Variants in COPB1 observed in about 807,000 individuals in gnomAD.
COPB1 encodes coat protein complex I subunit beta 1.
In COPB1, 21 loss-of-function variants were observed where a neutral mutation model predicts 108.7. The observed-to-expected ratio is 0.19, with a 90% confidence interval of 0.14 to 0.28. The LOEUF (loss-of-function observed/expected upper bound fraction) is 0.28, where lower values mean the gene tolerates loss of function less well. Among genes scored for constraint, COPB1 ranks in the 10% least tolerant of loss-of-function variants. The probability of loss-of-function intolerance (pLI) is 1.00; values close to 1 mark genes in which losing one functional copy is unlikely to be tolerated. For missense variants in COPB1, 919 were observed against 1,141.3 expected (o/e 0.81, Z 2.81); for synonymous variants, 378 against 386.8 (o/e 0.98, Z 0.27).
chr11:14,493,543 T>C (rs778371665), intron 4 of COPB1, 99 bp downstream of exon 4: 1 of 985,402 alleles, frequency 1.0e-6, no homozygotes, highest in South Asian at 2.4e-5. Flanking sequence ...AAATATATCT[T>C]CAAGCTATAT....
Position 14,468,684 on chromosome 11 carries a change from G to T in COPB1, c.2142C>A (p.Asn714Lys). The change falls in exon 16 of 22, where the codon AAC becomes AAA. Residue 714 changes from asparagine (N) to lysine (K), a missense_variant. This residue lies in a region of COPB1 where 705 missense variants were observed against 817.8 expected (regional missense o/e 0.86). Transcript: ENST00000439561. ...AGTCTATCAGACATTTTGTTACCTT[G>T]TTAAGTTTAGATGCTAGGGGATCTG... ...EAADPLASKL[N>K]KVTQLTGFSD... is the part of the protein sequence containing the mutation. The T allele has an allele frequency of 6.2e-7, 1 of 1,613,566 alleles. No individual in the cohort carries two copies. The highest frequency in any genetic ancestry group is 8.5e-7 in the Non-Finnish European group (1 of 1,179,738).
chr11:14,465,125 T>G (rs1216411304), intron 17 of COPB1, 95 bp from the exon 18 acceptor site: 1 of 1,405,622 alleles, frequency 7.1e-7, no homozygotes, highest in Non-Finnish European at 9.4e-7. Context: ...CATAAAACCT[T>G]AAATGTATGC....
intron 17 of COPB1, among the ~76,000 whole-genome samples, chr11:14,465,383 A>C (rs1281083577): frequency 6.6e-6 from 1 of 152,130 alleles, no homozygotes; most frequent in African/African-American, 2.4e-5. Flanking sequence ...CCTAGGCTGG[A>C]GTGCAACTGC....
intron 5 of COPB1, among the ~76,000 whole-genome samples, chr11:14,490,232 T>C (rs149480240): frequency 5.9e-5 from 9 of 152,306 alleles, no homozygotes; most frequent in African/African-American, 2.2e-4. Flanking sequence ...GATGTATCTA[T>C]GCAAAGCTAC....
At chr11:14,484,964 T>C (rs544487413) in intron 7 of COPB1, among the ~76,000 whole-genome samples, 17 of 152,232 alleles carry the variant, frequency 1.1e-4, no homozygotes, top group Non-Finnish European at 2.1e-4. Context: ...TACTCTATTA[T>C]TGAAAACACT....
Position 14,477,024 on chromosome 11 carries a change from A to G in COPB1, c.1359-9T>C, listed in dbSNP as rs1047603552. ...ATGCTCCTCGGTAAATCCTAGCACA[A>G]TACAAGATCTGAAACATGAACTTGG... On this transcript the variant is annotated splice_polypyrimidine_tract_variant and intron_variant, in intron 11 of 21. Transcript: ENST00000439561. The G allele has an allele frequency of 5.9e-6, 9 of 1,536,210 alleles. 1 individual carries two copies. In the South Asian group the frequency reaches 9.0e-5, roughly 15 times the overall value.
rs1314978359 is a variant in COPB1, at chr11:14,466,262, T to A, written c.2290+20A>T. 26 of 1,611,218 alleles carry A rather than the reference T, an allele frequency of 1.6e-5. No individual in the cohort carries two copies. The highest frequency in any genetic ancestry group is 2.0e-5 in the Non-Finnish European group (23 of 1,178,590). On this transcript the variant is annotated intron_variant, in intron 17 of 21. Coordinates refer to ENST00000439561, the MANE Select transcript of COPB1 (RefSeq NM_001144061.2). ...ATCTACTATGTGACAATCTCTTTCC[T>A]GAATGGTAAGTTTCCTCACCTAGTG... is the stretch of plus-strand genomic sequence containing the variant.
intron 16 of COPB1, among the ~76,000 whole-genome samples, chr11:14,468,122 G>C (rs1453482879): frequency 6.6e-6 from 1 of 152,134 alleles, no homozygotes; most frequent in Non-Finnish European, 1.5e-5. Flanking sequence ...AATTTTAAGG[G>C]AGGGAAATTG....
At chr11:14,486,876 A>G (rs529297021) in intron 6 of COPB1, among the ~76,000 whole-genome samples, 42 of 152,346 alleles carry the variant, frequency 2.8e-4, no homozygotes, top group African/African-American at 9.9e-4. Context: ...CACAAGTGAA[A>G]GAGAAAAAGA....
intron 4 of COPB1, among the ~76,000 whole-genome samples, chr11:14,491,560 T>A (rs988877144): frequency 6.6e-6 from 1 of 151,922 alleles, no homozygotes; most frequent in Non-Finnish European, 1.5e-5. Flanking sequence ...TCCTAGCTAC[T>A]TGGGAGGCTG....
chr11:14,465,560 T>C (rs1850265694), intron 17 of COPB1, among the ~76,000 whole-genome samples: 1 of 152,194 alleles, frequency 6.6e-6, no homozygotes. Flanking sequence ...TGCAAACTTC[T>C]CAAAAAGCTT....
intron 15 of COPB1, 61 bp downstream of exon 15, chr11:14,469,275 G>C (rs1850353857): frequency 1.5e-6 from 2 of 1,365,762 alleles, no homozygotes; most frequent in African/African-American, 2.9e-5. Context: ...GGGATTACAG[G>C]CGTGAGCCAC....
intron 8 of COPB1, among the ~76,000 whole-genome samples, chr11:14,482,503 GAT>G (rs1423468998): frequency 6.6e-6 from 1 of 151,658 alleles, no homozygotes; most frequent in Non-Finnish European, 1.5e-5. Context: ...AAACCGAAAA[GAT>G]AAAAAAATAT....
At position 14,481,011 on chromosome 11, in the gene COPB1, G is replaced by T. The variant is rs530847126; in HGVS notation, c.1044C>A (p.Val348=). ...KKTLQLALDL[V]SSRNVEELVI... is the part of the protein sequence containing the mutation. The stretch of plus-strand genomic sequence containing the variant: ...TTACCTCTTCAACATTTCTAGAAGA[G>T]ACAAGATCCAGTGCTAACTGCAGAG... Residue 348 remains valine, a synonymous_variant, in exon 9 of 22, where the codon GTC becomes GTA. Coordinates refer to ENST00000439561, the MANE Select transcript of COPB1 (RefSeq NM_001144061.2). 4.3e-6 allele frequency: 7 copies of T among 1,613,918 alleles called. No homozygotes were observed. In the African/African-American group the frequency reaches 9.3e-5, roughly 22 times the overall value.
At chr11:14,470,920 ACACACACACACACACACACACACACTCT>A (rs995225462) in intron 14 of COPB1, among the ~76,000 whole-genome samples, 5 of 131,496 alleles carry the variant, frequency 3.8e-5, no homozygotes, top group African/African-American at 1.9e-4. Context: ...ACACACACAC[ACACACACACACACACACACACACACTCT>A]CTCTCTCTCT....
intron 14 of COPB1, among the ~76,000 whole-genome samples, chr11:14,472,275 C>G (rs919567783): frequency 1.7e-4 from 26 of 152,272 alleles, no homozygotes; most frequent in African/African-American, 5.8e-4. Flanking sequence ...TCTTGGGTGA[C>G]CAGCTAAATT....
At chr11:14,477,552 C>T (rs1448199306) in intron 11 of COPB1, among the ~76,000 whole-genome samples, 1 of 151,028 alleles carries the variant, frequency 6.6e-6, no homozygotes, top group Non-Finnish European at 1.5e-5. Flanking sequence ...ATCAGCCAGG[C>T]ATGGTGATGC....
intron 19 of COPB1, 69 bp from the exon 20 acceptor site, chr11:14,460,366 T>C: frequency 2.1e-6 from 2 of 966,088 alleles, no homozygotes; most frequent in South Asian, 1.5e-5. Flanking sequence ...ATCACCAGTA[T>C]GTCATATTAA....
intron 7 of COPB1, among the ~76,000 whole-genome samples, chr11:14,486,130 G>C (rs139654170): frequency 5.8e-4 from 88 of 152,222 alleles, no homozygotes; most frequent in African/African-American, 2.1e-3. Context: ...TCGAACCTGT[G>C]TTGTCAGAGG....
Sources: gnomAD v4.1 joint callset for allele counts (sites outside exome capture counted in the v4.1 genomes callset) on GRCh38, gnomAD v4.1.1 for gene constraint, gnomAD v4.1.1 regional missense constraint, MANE v1.5 for transcripts, NCBI Gene and HGNC (gene_info 2026-07-23, HGNC 2026-07-21) for gene names.